Variants in MTMR2 observed in about 807,000 individuals in gnomAD.
MTMR2 encodes phosphatidylinositol-3,5-bisphosphate 3-phosphatase MTMR2.
In MTMR2, 55 loss-of-function variants were observed where a neutral mutation model predicts 86.9. The ratio of observed to expected loss-of-function variants is 0.63; its 90% confidence interval spans 0.51 to 0.79. The LOEUF (loss-of-function observed/expected upper bound fraction) is 0.79, where lower values mean the gene tolerates loss of function less well. Among genes scored for constraint, MTMR2 ranks in the 30% least tolerant of loss-of-function variants. MTMR2 has a pLI of 0.00. For missense variants in MTMR2, 659 were observed against 772.3 expected (o/e 0.85, Z 1.74); for synonymous variants, 241 against 266.8 (o/e 0.90, Z 0.94).
chr11:95,838,998 A>G lies in MTMR2; in HGVS notation c.1480-791T>C, dbSNP rs551188633. Among the ~76,000 whole-genome samples, 3 of 152,180 alleles carry G rather than the reference A, an allele frequency of 2.0e-5. No homozygotes were observed. In the South Asian group the frequency reaches 6.2e-4, roughly 32 times the overall value. On this transcript the variant is annotated intron_variant, in intron 12 of 14. Transcript: ENST00000346299. The stretch of plus-strand genomic sequence containing the variant: ...TCTACCAATTATAGGGCTGTACGTG[A>G]TAAGAAATTATATAAATATTTAGAT...
chr11:95,869,584 A>AT (rs1229362917), intron 2 of MTMR2, among the ~76,000 whole-genome samples: 5 of 152,196 alleles, frequency 3.3e-5, no homozygotes, highest in Non-Finnish European at 7.4e-5. Context: ...AATAGTAAGC[A>AT]TCTCACTGTT....
At chr11:95,836,381 G>A in intron 13 of MTMR2, 57 bp from the exon 14 acceptor site, 1 of 1,487,048 alleles carries the variant, frequency 6.7e-7, no homozygotes, top group Non-Finnish European at 9.3e-7. Flanking sequence ...TTACACTTTA[G>A]ATGAAATTTG....
At chr11:95,906,450 TGA>T (rs1866280357) in intron 1 of MTMR2, among the ~76,000 whole-genome samples, 1 of 152,208 alleles carries the variant, frequency 6.6e-6, no homozygotes, top group East Asian at 1.9e-4. Flanking sequence ...ACAATAATAG[TGA>T]GAGACTTCAA....
chr11:95,841,992 C>T (rs569886655), intron 11 of MTMR2, among the ~76,000 whole-genome samples: 10 of 152,224 alleles, frequency 6.6e-5, no homozygotes, highest in Admixed American at 6.5e-4. Context: ...TTTCAGGAGG[C>T]TAAGGTGGGA....
intron 2 of MTMR2, among the ~76,000 whole-genome samples, chr11:95,870,935 G>A (rs1864854609): frequency 6.7e-6 from 1 of 150,306 alleles, no homozygotes; most frequent in Non-Finnish European, 1.5e-5. Context: ...CCCTTCCTGT[G>A]TCCATGTGTT....
At chr11:95,919,865 T>C (rs183525777) in intron 1 of MTMR2, among the ~76,000 whole-genome samples, 15 of 152,284 alleles carry the variant, frequency 9.9e-5, no homozygotes, top group African/African-American at 3.4e-4. Flanking sequence ...CTAGATATCT[T>C]ACCATTTGAT....
chr11:95,842,550 T>A (rs1047549470), intron 11 of MTMR2, among the ~76,000 whole-genome samples: 1 of 152,210 alleles, frequency 6.6e-6, no homozygotes, highest in Non-Finnish European at 1.5e-5. Flanking sequence ...AGTTATTTCC[T>A]CTGAGGACCT....
rs541183487 is a variant in MTMR2 at position 95,865,495 on chromosome 11, C to A, written c.262+106G>T. On this transcript the variant is annotated intron_variant, in intron 3 of 14. Transcript: ENST00000346299. Reference sequence around the variant, plus strand: ...ACTGCAGGTAAAGAGTTCTGCCAGACAGGAGGTGTCTCTGACAGCCAGTTT... The same window carrying A: ...ACTGCAGGTAAAGAGTTCTGCCAGAAAGGAGGTGTCTCTGACAGCCAGTTT... 6.1e-5 allele frequency: 63 copies of A among 1,025,480 alleles called. No homozygotes were observed. The African/African-American group carries it at 9.6e-4, about 16-fold the overall frequency. 63.5% of individuals were successfully genotyped at this position (1,025,480 alleles called of 1,614,324 possible).
chr11:95,923,937 G>A lies in MTMR2; in HGVS notation c.18C>T (p.Ser6=). MEKSS[S]CESLGSQPAA... is the part of the protein sequence containing the mutation. ...CCGGCTGGGAGCCAAGACTCTCGCAGCTCGAGCTCTTCTCCATCGCGCGGC... is the reference window on the plus strand; with the variant it reads ...CCGGCTGGGAGCCAAGACTCTCGCAACTCGAGCTCTTCTCCATCGCGCGGC... Residue 6 remains serine (S), a synonymous_variant, in exon 1 of 15, where the codon AGC becomes AGT. Transcript: ENST00000346299. The A allele has an allele frequency of 6.4e-7, 1 of 1,561,034 alleles. No homozygotes were observed. The highest frequency in any genetic ancestry group is 1.4e-5 in the African/African-American group (1 of 73,756).
chr11:95,875,776 T>C (rs1481501630), intron 2 of MTMR2, among the ~76,000 whole-genome samples: 1 of 152,222 alleles, frequency 6.6e-6, no homozygotes, highest in African/African-American at 2.4e-5. Context: ...AGATGGGGTT[T>C]TGGTGTGGAT....
intron 1 of MTMR2, among the ~76,000 whole-genome samples, chr11:95,896,613 G>T (rs756429900): frequency 1.5e-4 from 23 of 152,024 alleles, no homozygotes; most frequent in Non-Finnish European, 3.2e-4. Context: ...TATTTGTTAA[G>T]GAGTGAAAGA....
intron 1 of MTMR2, among the ~76,000 whole-genome samples, chr11:95,896,946 G>C (rs929564417): frequency 2.0e-5 from 3 of 149,600 alleles, no homozygotes; most frequent in Non-Finnish European, 3.0e-5. Flanking sequence ...TTTTGACTAT[G>C]TTATTTTCAC....
chr11:95,923,844 C>T (rs2135659190), intron 1 of MTMR2, 31 bp downstream of exon 1: 4 of 1,549,504 alleles, frequency 2.6e-6, no homozygotes, highest in Middle Eastern at 1.7e-4. Context: ...CCCCTTCGGA[C>T]GCTGGGCGGG....
At chr11:95,896,151 C>G (rs1352532699) in intron 1 of MTMR2, among the ~76,000 whole-genome samples, 1 of 152,082 alleles carries the variant, frequency 6.6e-6, no homozygotes, top group Non-Finnish European at 1.5e-5. Flanking sequence ...AAACTCCTCT[C>G]AACTGAAATA....
At chr11:95,920,089 CATACTT>C (rs1395151549) in intron 1 of MTMR2, among the ~76,000 whole-genome samples, 3 of 152,106 alleles carry the variant, frequency 2.0e-5, no homozygotes, top group East Asian at 3.8e-4. Context: ...CTTATAAAGT[CATACTT>C]ATATCAAGAA....
chr11:95,893,868 C>T (rs1865794865), intron 1 of MTMR2, among the ~76,000 whole-genome samples: 2 of 152,182 alleles, frequency 1.3e-5, no homozygotes, highest in Non-Finnish European at 2.9e-5. Flanking sequence ...TGTCTCTTTT[C>T]TCCTACTCAT....
At chr11:95,835,576 T>C in intron 14 of MTMR2, 125 bp from the exon 15 acceptor site, 1 of 936,040 alleles carries the variant, frequency 1.1e-6, no homozygotes, top group Non-Finnish European at 1.7e-6. Context: ...TTCCAACCCA[T>C]CAGTGAAATT....
intron 1 of MTMR2, among the ~76,000 whole-genome samples, chr11:95,905,331 G>GCACACA (rs10552965): frequency 4.1e-5 from 6 of 148,098 alleles, no homozygotes; most frequent in East Asian, 2.0e-4. Context: ...ACGCACCTGC[G>GCACACA]CACACACACA....
intron 1 of MTMR2, among the ~76,000 whole-genome samples, chr11:95,891,872 G>A (rs1462185898): frequency 6.6e-6 from 1 of 152,032 alleles, no homozygotes; most frequent in Non-Finnish European, 1.5e-5. Flanking sequence ...GAGTGCACAG[G>A]ATAGAGGGAG....
Sources: allele counts gnomAD v4.1 joint callset (sites outside exome capture counted in the v4.1 genomes callset), GRCh38; gene constraint gnomAD v4.1.1; transcripts MANE v1.5; gene names NCBI Gene and HGNC (gene_info 2026-07-23, HGNC 2026-07-21).